DIAPH3: variants seen among roughly 807,000 people sequenced by gnomAD.
DIAPH3 encodes protein diaphanous homolog 3.
In DIAPH3, 117 loss-of-function variants were observed where a neutral mutation model predicts 144.3. The observed-to-expected ratio is 0.81, with a 90% confidence interval of 0.70 to 0.95. The LOEUF (loss-of-function observed/expected upper bound fraction) is 0.95, where lower values mean the gene tolerates loss of function less well. Among genes scored for constraint, DIAPH3 ranks in the 40% least tolerant of loss-of-function variants. DIAPH3 has a pLI of 0.00. For synonymous variants in DIAPH3, 519 were observed against 488.9 expected (o/e 1.06, Z -0.81); for missense variants, 1,421 against 1,412.7 (o/e 1.01, Z -0.09).
At chr13:60,077,930 C>T (rs1159023380) in intron 4 of DIAPH3, among the ~76,000 whole-genome samples, 2 of 152,020 alleles carry the variant, frequency 1.3e-5, no homozygotes, top group East Asian at 3.9e-4. Flanking sequence ...AGAGAAGAGA[C>T]TACAAGAGTC....
chr13:60,071,435 GGAGGA>G (rs2057203047), intron 4 of DIAPH3, among the ~76,000 whole-genome samples: 1 of 152,124 alleles, frequency 6.6e-6, no homozygotes, highest in African/African-American at 2.4e-5. Flanking sequence ...TAGTGGGGAG[GGAGGA>G]CTGTGTAAGA....
intron 4 of DIAPH3, among the ~76,000 whole-genome samples, chr13:60,091,187 T>C (rs1479883488): frequency 6.6e-6 from 1 of 151,962 alleles, no homozygotes; most frequent in Non-Finnish European, 1.5e-5. Flanking sequence ...ACATAAACAC[T>C]ATCTACACTC....
chr13:59,956,029 G>A (rs1165381962), intron 17 of DIAPH3, among the ~76,000 whole-genome samples: 2 of 152,138 alleles, frequency 1.3e-5, no homozygotes, highest in Admixed American at 1.3e-4. Context: ...AAAGCATTCA[G>A]TTTTATTCAT....
At chr13:59,724,620 T>C (rs532681310) in intron 27 of DIAPH3, among the ~76,000 whole-genome samples, 100 of 152,334 alleles carry the variant, frequency 6.6e-4, no homozygotes, top group African/African-American at 2.3e-3. Flanking sequence ...AGTATTAACT[T>C]TTCACTTCTT....
intron 4 of DIAPH3, among the ~76,000 whole-genome samples, chr13:60,086,154 T>C (rs1430243303): frequency 2.0e-5 from 3 of 152,142 alleles, no homozygotes; most frequent in Non-Finnish European, 2.9e-5. Context: ...GTGAGCCTAA[T>C]ATAATTTACT....
intron 27 of DIAPH3, among the ~76,000 whole-genome samples, chr13:59,669,595 C>A (rs1229275578): frequency 6.6e-6 from 1 of 152,088 alleles, no homozygotes; most frequent in East Asian, 1.9e-4. Context: ...TTGGATGTGA[C>A]TTTTGCTTGT....
intron 20 of DIAPH3, among the ~76,000 whole-genome samples, chr13:59,887,726 T>C (rs1461444592): frequency 5.9e-5 from 9 of 152,166 alleles, no homozygotes; most frequent in East Asian, 5.8e-4. Flanking sequence ...AGTTGGATGA[T>C]AGAAGTATCT....
intron 1 of DIAPH3, among the ~76,000 whole-genome samples, chr13:60,138,251 G>T (rs928263228): frequency 4.6e-5 from 7 of 152,132 alleles, no homozygotes; most frequent in Non-Finnish European, 8.8e-5. Context: ...TCTAAGGTGG[G>T]ACCTGGGAAC....
chr13:59,679,194 T>C (rs982754153), intron 27 of DIAPH3, among the ~76,000 whole-genome samples: 9 of 152,218 alleles, frequency 5.9e-5, no homozygotes, highest in African/African-American at 2.2e-4. Context: ...TCAATGTCAC[T>C]TCAGTTATTT....
chr13:60,046,143 G>A (rs1440037634), intron 4 of DIAPH3, among the ~76,000 whole-genome samples: 1 of 152,128 alleles, frequency 6.6e-6, no homozygotes, highest in African/African-American at 2.4e-5. Context: ...ACCAAAAGAT[G>A]CCATTCCATG....
At chr13:59,783,026 A>G (rs2038827247) in intron 25 of DIAPH3, among the ~76,000 whole-genome samples, 1 of 152,196 alleles carries the variant, frequency 6.6e-6, no homozygotes, top group African/African-American at 2.4e-5. Flanking sequence ...AGGAGCCATG[A>G]AGTCATTTTA....
intron 4 of DIAPH3, among the ~76,000 whole-genome samples, chr13:60,092,621 A>G (rs2057984507): frequency 6.6e-6 from 1 of 152,156 alleles, no homozygotes; most frequent in South Asian, 2.1e-4. Context: ...ACTGCACCCC[A>G]GCCTGGGCGA....
intron 5 of DIAPH3, among the ~76,000 whole-genome samples, chr13:60,030,561 T>G (rs553238572): frequency 3.3e-5 from 5 of 152,270 alleles, no homozygotes; most frequent in African/African-American, 1.2e-4. Context: ...CCATTTAACA[T>G]GTACTCTGAT....
At chr13:59,940,471 C>T (rs758295894) in intron 17 of DIAPH3, among the ~76,000 whole-genome samples, 10 of 152,182 alleles carry the variant, frequency 6.6e-5, no homozygotes, top group Non-Finnish European at 1.3e-4. Flanking sequence ...ATACCTCTGA[C>T]ATCCAGGAAC....
intron 2 of DIAPH3, among the ~76,000 whole-genome samples, chr13:60,122,187 C>T (rs1170843367): frequency 6.6e-6 from 1 of 152,236 alleles, no homozygotes; most frequent in African/African-American, 2.4e-5. Context: ...CCACCTTACA[C>T]TGTATGATCT....
intron 21 of DIAPH3, among the ~76,000 whole-genome samples, chr13:59,878,407 C>T (rs2140047725): frequency 1.3e-5 from 2 of 152,230 alleles, no homozygotes; most frequent in South Asian, 4.1e-4. Flanking sequence ...ATAGGTAAAG[C>T]AGAACTTGTT....
At chr13:59,847,206 C>A (rs1043386954) in intron 22 of DIAPH3, among the ~76,000 whole-genome samples, 8 of 152,098 alleles carry the variant, frequency 5.3e-5, no homozygotes, top group Admixed American at 1.3e-4. Context: ...TTGATGGAAC[C>A]CCAGGTAATA....
intron 27 of DIAPH3, among the ~76,000 whole-genome samples, chr13:59,716,642 C>T (rs2138872137): frequency 6.6e-6 from 1 of 152,220 alleles, no homozygotes; most frequent in East Asian, 1.9e-4. Context: ...TTATTATCAC[C>T]TCCATTTTAC....
At chr13:60,105,110 A>AC (rs1555375936) in intron 3 of DIAPH3, among the ~76,000 whole-genome samples, 3 of 149,400 alleles carry the variant, frequency 2.0e-5, no homozygotes. Context: ...AAAAAAAAAA[A>AC]AAAAAAAAAA....
Sources: gnomAD v4.1 joint callset for allele counts (sites outside exome capture counted in the v4.1 genomes callset) on GRCh38, gnomAD v4.1.1 for gene constraint, MANE v1.5 for transcripts, NCBI Gene and HGNC (gene_info 2026-07-23, HGNC 2026-07-21) for gene names.